Variants in LRRIQ1 observed in about 807,000 individuals in gnomAD.
LRRIQ1 encodes leucine rich repeats and IQ motif containing 1.
LRRIQ1 carries 210 observed loss-of-function variants against 211.9 expected under a neutral mutation model. The observed-to-expected ratio is 0.99, with a 90% CI of 0.89 to 1.11. The LOEUF is 1.11. LRRIQ1 is among the 50% of genes most tolerant of loss of function. The pLI, the probability that LRRIQ1 is intolerant of heterozygous loss-of-function variation, is 0.00. For synonymous variants in LRRIQ1, 699 were observed against 650.1 expected, an observed-to-expected ratio of 1.08 and a Z score of -1.14; for missense variants, 2,136 against 1,939.5, an observed-to-expected ratio of 1.10 and a Z score of -1.90.
chr12:85,109,485 T>G (rs1373245074), intron 15 of LRRIQ1, among the ~76,000 whole-genome samples: 1 of 152,190 alleles, frequency 6.6e-6, no homozygotes, highest in African/African-American at 2.4e-5. Flanking sequence ...CTGGCATGTT[T>G]CCACGTTTTA....
At chr12:85,251,610 G>C (rs1895945394) in intron 1 of LRRIQ1, among the ~76,000 whole-genome samples, 1 of 151,834 alleles carries the variant, frequency 6.6e-6, no homozygotes, top group South Asian at 2.1e-4. Context: ...TGGCATAGTG[G>C]AAAGAAATTT....
intron 26 of LRRIQ1, among the ~76,000 whole-genome samples, chr12:85,233,487 G>T (rs1456518250): frequency 6.6e-6 from 1 of 151,982 alleles, no homozygotes; most frequent in African/African-American, 2.4e-5. Flanking sequence ...ATTACCCCTT[G>T]CTCAGATTCT....
chr12:85,217,612 A>ATATG (rs1555226078), intron 24 of LRRIQ1, among the ~76,000 whole-genome samples: 1 of 127,332 alleles, frequency 7.9e-6, no homozygotes, highest in Non-Finnish European at 1.5e-5. Flanking sequence ...GTATATGTGT[A>ATATG]TATATATGTA....
chr12:85,118,706 C>CT (rs1887761886), intron 15 of LRRIQ1, among the ~76,000 whole-genome samples: 1 of 151,968 alleles, frequency 6.6e-6, no homozygotes, highest in Non-Finnish European at 1.5e-5. Flanking sequence ...TATTTCATAA[C>CT]TGTTTGTATA....
chr12:85,247,901 T>C (rs747249305), downstream of LRRIQ1, among the ~76,000 whole-genome samples: 6 of 151,704 alleles, frequency 4.0e-5, no homozygotes, highest in East Asian at 7.7e-4. Flanking sequence ...TTTTAGGCTT[T>C]ACTGTTTCCT....
chr12:85,221,237 C>T (rs1185097660), intron 24 of LRRIQ1, among the ~76,000 whole-genome samples: 3 of 152,148 alleles, frequency 2.0e-5, no homozygotes, highest in African/African-American at 7.2e-5. Flanking sequence ...TTATCCTCCA[C>T]AATGCACAGA....
chr12:85,086,563 A>G (rs1326866061), intron 11 of LRRIQ1, among the ~76,000 whole-genome samples: 1 of 152,012 alleles, frequency 6.6e-6, no homozygotes, highest in Non-Finnish European at 1.5e-5. Context: ...AGAATATGAA[A>G]CAATTAAATA....
chr12:85,143,669 T>C (rs1352577222), intron 19 of LRRIQ1, among the ~76,000 whole-genome samples: 1 of 151,656 alleles, frequency 6.6e-6, no homozygotes, highest in East Asian at 1.9e-4. Context: ...ATTTTGTTAT[T>C]CTATTTTTAG....
Position 85,105,141 on chromosome 12 carries a change from T to A in LRRIQ1, c.3283+1064T>A, listed in dbSNP as rs571490079. Among the ~76,000 whole-genome samples the A allele has an allele frequency of 5.9e-5, 9 of 152,240 alleles. No individual in the cohort carries two copies. In the East Asian group the frequency reaches 1.7e-3, roughly 29 times the overall value. The stretch of plus-strand genomic sequence containing the variant: ...TAAAAATGTTTACATATTCTGGACA[T>A]CATTGTCTTATAAATTTCTAGCCTT... On this transcript the variant is annotated intron_variant, in intron 14 of 26. Transcript: ENST00000393217.
intron 3 of LRRIQ1, among the ~76,000 whole-genome samples, chr12:85,042,922 G>T (rs1847858148): frequency 1.3e-5 from 2 of 152,080 alleles, no homozygotes; most frequent in African/African-American, 4.8e-5. Flanking sequence ...TTGCACTTAT[G>T]AATATAGATG....
chr12:85,216,482 T>G (rs937362617), intron 24 of LRRIQ1, among the ~76,000 whole-genome samples: 5 of 150,520 alleles, frequency 3.3e-5, no homozygotes, highest in African/African-American at 1.2e-4. Context: ...TATAATTAAT[T>G]TACATATAAT....
chr12:85,090,066 G>A (rs1196497097), intron 11 of LRRIQ1, among the ~76,000 whole-genome samples: 1 of 152,202 alleles, frequency 6.6e-6, no homozygotes, highest in Non-Finnish European at 1.5e-5. Flanking sequence ...CTCCAGCTGT[G>A]GCTCAAAGGA....
At chr12:85,123,029 A>G (rs879851902) in intron 16 of LRRIQ1, among the ~76,000 whole-genome samples, 4 of 152,062 alleles carry the variant, frequency 2.6e-5, no homozygotes, top group Non-Finnish European at 2.9e-5. Context: ...ACTATATTTT[A>G]TATGTTGAAT....
intron 24 of LRRIQ1, among the ~76,000 whole-genome samples, chr12:85,169,890 A>G (rs1214200336): frequency 1.3e-5 from 2 of 152,176 alleles, no homozygotes; most frequent in Non-Finnish European, 2.9e-5. Flanking sequence ...TTGGTTCTCA[A>G]TAAATATATG....
intron 11 of LRRIQ1, among the ~76,000 whole-genome samples, chr12:85,088,503 G>A (rs958668129): frequency 6.6e-6 from 1 of 152,136 alleles, no homozygotes; most frequent in Non-Finnish European, 1.5e-5. Context: ...GTAGCTTGAT[G>A]GGGATAGCAT....
intron 2 of LRRIQ1, among the ~76,000 whole-genome samples, chr12:85,040,048 ATG>A (rs1878684457): frequency 6.6e-6 from 1 of 151,610 alleles, no homozygotes; most frequent in South Asian, 2.1e-4. Flanking sequence ...AAATTTGTGT[ATG>A]ATAATCACAA....
chr12:85,056,311 A>G lies in LRRIQ1; in HGVS notation c.1518A>G (p.Thr506=), dbSNP rs755367527. The change falls in exon 8 of 27, where the codon ACA becomes ACG. Residue 506 remains threonine, a synonymous_variant. Transcript: ENST00000393217. Reference sequence around the variant, plus strand: ...AGCAAGAAAGAAAATATGAAAATACAGATAACAAAACTGAATTGGGAAACT... The same window carrying G: ...AGCAAGAAAGAAAATATGAAAATACGGATAACAAAACTGAATTGGGAAACT... ...LVKQERKYEN[T]DNKTELGNSD... The G allele has an allele frequency of 1.1e-5, 18 of 1,593,528 alleles. No homozygotes were observed. In the South Asian group the frequency reaches 2.0e-4, roughly 18 times the overall value.
At chr12:85,113,094 T>C (rs1476523040) in intron 15 of LRRIQ1, among the ~76,000 whole-genome samples, 1 of 152,118 alleles carries the variant, frequency 6.6e-6, no homozygotes, top group Non-Finnish European at 1.5e-5. Context: ...CCGGAGACAT[T>C]TGTGGCACCT....
At chr12:85,198,713 G>A (rs1449366843) in intron 24 of LRRIQ1, among the ~76,000 whole-genome samples, 1 of 151,838 alleles carries the variant, frequency 6.6e-6, no homozygotes, top group African/African-American at 2.4e-5. Flanking sequence ...GACTACAGGC[G>A]CCTGCCTCCA....
Sources: allele counts gnomAD v4.1 joint callset (sites outside exome capture counted in the v4.1 genomes callset), GRCh38; gene constraint gnomAD v4.1.1; transcripts MANE v1.5; gene names NCBI Gene and HGNC (gene_info 2026-07-23, HGNC 2026-07-21).